NPAS3: variants seen among roughly 807,000 people sequenced by gnomAD.
NPAS3 encodes the protein neuronal PAS domain-containing protein 3.
A neutral mutation model predicts 73.1 loss-of-function variants in NPAS3; 14 were observed. The ratio of observed to expected loss-of-function variants is 0.19; its 90% CI spans 0.13 to 0.30. The LOEUF is 0.30. NPAS3 is among the 10% of genes least tolerant of loss of function. The probability of loss-of-function intolerance (pLI) is 1.00; values close to 1 mark genes in which losing one functional copy is unlikely to be tolerated. For missense variants in NPAS3, 1,096 were observed against 1,250.0 expected (o/e 0.88, Z 1.86); for synonymous variants, 620 against 541.5 (o/e 1.14, Z -2.01).
At chr14:33,531,685 TA>T (rs2054050965) in intron 4 of NPAS3, among the ~76,000 whole-genome samples, 1 of 152,076 alleles carries the variant, frequency 6.6e-6, no homozygotes, top group African/African-American at 2.4e-5. Flanking sequence ...TTCCCTAGGG[TA>T]AATACCTAGG....
At chr14:33,044,337 T>C (rs1406021608) in intron 1 of NPAS3, among the ~76,000 whole-genome samples, 2 of 152,220 alleles carry the variant, frequency 1.3e-5, no homozygotes, top group Non-Finnish European at 2.9e-5. Flanking sequence ...GTGATACATT[T>C]GAACCACGGT....
intron 2 of NPAS3, among the ~76,000 whole-genome samples, chr14:33,089,783 G>T (rs1380111675): frequency 6.6e-6 from 1 of 152,216 alleles, no homozygotes; most frequent in Non-Finnish European, 1.5e-5. Flanking sequence ...AAGCCCATCA[G>T]ACTAACAGCA....
At chr14:33,165,163 G>A (rs1425329489) in intron 2 of NPAS3, among the ~76,000 whole-genome samples, 3 of 151,946 alleles carry the variant, frequency 2.0e-5, no homozygotes, top group Non-Finnish European at 4.4e-5. Context: ...CATTGGACTC[G>A]GCCTGTCGGA....
chr14:33,022,913 C>G (rs1357863072), intron 1 of NPAS3, among the ~76,000 whole-genome samples: 3 of 151,894 alleles, frequency 2.0e-5, no homozygotes, highest in Non-Finnish European at 4.4e-5. Flanking sequence ...GTGCTTTAGT[C>G]AAAAGTTGAG....
At chr14:33,347,349 A>G (rs1345915483) in intron 3 of NPAS3, among the ~76,000 whole-genome samples, 3 of 152,246 alleles carry the variant, frequency 2.0e-5, no homozygotes, top group East Asian at 1.9e-4. Context: ...GTAAATATCT[A>G]TTGGCACTGT....
At chr14:32,944,832 C>T (rs1440404330) in intron 1 of NPAS3, among the ~76,000 whole-genome samples, 7 of 152,112 alleles carry the variant, frequency 4.6e-5, no homozygotes, top group African/African-American at 1.2e-4. Context: ...TAAAACATCA[C>T]GTCTTGGTGA....
intron 4 of NPAS3, among the ~76,000 whole-genome samples, chr14:33,403,140 A>C (rs2047517670): frequency 6.6e-6 from 1 of 152,090 alleles, no homozygotes; most frequent in South Asian, 2.1e-4. Flanking sequence ...TCAGTATTGC[A>C]TTTCCCTACA....
exon 3 of NPAS3, chr14:33,215,403 C>G (rs1362734529): frequency 6.2e-7 from 1 of 1,613,836 alleles, no homozygotes; most frequent in Admixed American, 1.7e-5. Context: ...ATGGAAGGCC[C>G]TCCACCTAAC....
chr14:33,007,224 G>A (rs925310008), intron 1 of NPAS3, among the ~76,000 whole-genome samples: 3 of 152,280 alleles, frequency 2.0e-5, no homozygotes, highest in Admixed American at 1.3e-4. Flanking sequence ...TCTTAGTAGC[G>A]CCCGGCGCAA....
upstream of NPAS3, among the ~76,000 whole-genome samples, chr14:32,938,741 C>CG (rs1021263740): frequency 6.8e-6 from 1 of 146,732 alleles, no homozygotes; most frequent in African/African-American, 2.5e-5. Context: ...TGACGGGGGA[C>CG]GGGGGCGGGG....
intron 2 of NPAS3, among the ~76,000 whole-genome samples, chr14:33,198,761 T>C (rs767416027): frequency 6.6e-6 from 1 of 152,084 alleles, no homozygotes; most frequent in Non-Finnish European, 1.5e-5. Context: ...CCTTGGGTGG[T>C]AGATGGGACC....
At chr14:33,120,452 T>C (rs75104095) in intron 2 of NPAS3, among the ~76,000 whole-genome samples, 2,116 of 152,242 alleles carry the variant, frequency 0.014, 52 homozygotes, top group African/African-American at 0.048. Flanking sequence ...TGCAAATGCT[T>C]AGCCAGTGTG....
chr14:33,396,638 T>C (rs1468787196), intron 4 of NPAS3, among the ~76,000 whole-genome samples: 1 of 152,178 alleles, frequency 6.6e-6, no homozygotes, highest in Non-Finnish European at 1.5e-5. Flanking sequence ...CATAATCTCC[T>C]AAATACTAAG....
intron 1 of NPAS3, among the ~76,000 whole-genome samples, chr14:32,978,005 C>G (rs1021788057): frequency 6.6e-6 from 1 of 152,118 alleles, no homozygotes; most frequent in Non-Finnish European, 1.5e-5. Flanking sequence ...CCTACATGTG[C>G]GTGACACTGT....
chr14:33,440,300 T>C (rs1401449264), intron 4 of NPAS3, among the ~76,000 whole-genome samples: 1 of 151,996 alleles, frequency 6.6e-6, no homozygotes, highest in African/African-American at 2.4e-5. Context: ...CAGAGGATGC[T>C]GAGATGGAGG....
chr14:33,273,149 C>T (rs138567266), intron 3 of NPAS3, among the ~76,000 whole-genome samples: 5 of 152,278 alleles, frequency 3.3e-5, no homozygotes, highest in African/African-American at 9.6e-5. Context: ...CCTCTGGGAG[C>T]CTTTGACTGT....
intron 2 of NPAS3, among the ~76,000 whole-genome samples, chr14:33,093,661 CATGCACACGT>C (rs2042306859): frequency 6.6e-6 from 1 of 152,132 alleles, no homozygotes; most frequent in Non-Finnish European, 1.5e-5. Flanking sequence ...TATGAAGACA[CATGCACACGT>C]ATGTTTATTG....
intron 1 of NPAS3, among the ~76,000 whole-genome samples, chr14:32,964,822 A>G (rs2037083600): frequency 6.6e-6 from 1 of 151,662 alleles, no homozygotes. Context: ...CAAAAAAAAA[A>G]AAGAAGAAGA....
intron 2 of NPAS3, among the ~76,000 whole-genome samples, chr14:33,188,632 C>T (rs564770990): frequency 6.6e-6 from 1 of 152,276 alleles, no homozygotes; most frequent in East Asian, 1.9e-4. Context: ...ACATGTCAGA[C>T]CTATTGACTC....
Sources: allele counts gnomAD v4.1 joint callset (sites outside exome capture counted in the v4.1 genomes callset), GRCh38; gene constraint gnomAD v4.1.1; transcripts MANE v1.5; gene names NCBI Gene and HGNC (gene_info 2026-07-23, HGNC 2026-07-21).